CST7: variants seen among roughly 807,000 people sequenced by gnomAD.
The protein encoded by CST7 is cystatin F.
CST7 carries 15 observed loss-of-function variants against 13.1 expected under a neutral mutation model. The observed-to-expected ratio is 1.14, with a 90% CI of 0.77 to 1.76. CST7 has a LOEUF of 1.76. Ranked by LOEUF, CST7 falls within the 40% of genes most tolerant of loss-of-function variation. The probability of loss-of-function intolerance (pLI) is 0.00; values close to 1 mark genes in which losing one functional copy is unlikely to be tolerated. For synonymous variants in CST7, 75 were observed against 66.9 expected (o/e 1.12, Z -0.59); for missense variants, 193 against 178.8 (o/e 1.08, Z -0.45).
rs2087804567 is a variant in CST7, at chr20:24,949,368, G to A, written c.-138G>A. The A allele has an allele frequency of 1.3e-6, 2 of 1,570,812 alleles. No individual in the cohort carries two copies. Among genetic ancestry groups the A allele is most frequent in the African/African-American group, 1.3e-5 (1 of 74,230 alleles). On this transcript the variant is annotated 5_prime_UTR_variant, in exon 1 of 4. Coordinates refer to ENST00000480798, the MANE Select transcript of CST7 (RefSeq NM_003650.4). ...AGGATTGGCACGGGCACAGACCACT[G>A]CCCCCACCTGCCCTGCGCCATCTAC...
intron 1 of CST7, among the ~76,000 whole-genome samples, chr20:24,953,379 T>C (rs1465740997): frequency 6.6e-6 from 1 of 152,186 alleles, no homozygotes; most frequent in Admixed American, 6.5e-5. Flanking sequence ...GAAGAAGCTG[T>C]ATTTTCGTGA....
rs1221608580 is a variant in CST7 at position 24,959,109 on chromosome 20, G to A, written c.360+65G>A. The A allele has an allele frequency of 6.2e-6, 8 of 1,283,016 alleles. No individual in the cohort carries two copies. In the African/African-American group the frequency reaches 7.3e-5, roughly 12 times the overall value. 79.5% of individuals were successfully genotyped at this position (1,283,016 alleles called of 1,614,324 possible). On this transcript the variant is annotated intron_variant, in intron 3 of 3. Coordinates refer to ENST00000480798, the MANE Select transcript of CST7 (RefSeq NM_003650.4). ...CCCCAGCCCACTCCCTCCCAGGACT[G>A]TGAAAAACACCGTCACCACGTCTCT...
intron 1 of CST7, among the ~76,000 whole-genome samples, chr20:24,956,938 T>C: frequency 9.8e-6 from 1 of 101,896 alleles, no homozygotes; most frequent in Middle Eastern, 4.3e-3. Context: ...CCCTGGCACC[T>C]GGTCCTCAGC....
At chr20:24,953,326 C>T (rs536014911) in intron 1 of CST7, among the ~76,000 whole-genome samples, 3 of 152,200 alleles carry the variant, frequency 2.0e-5, no homozygotes, top group South Asian at 2.1e-4. Context: ...TTCTGGAGCT[C>T]GATAGCTGGA....
rs750181949 is a variant in CST7, at chr20:24,957,318, G to A, written c.102G>A (p.Val34=). 5 of 1,613,666 alleles carry A rather than the reference G, an allele frequency of 3.1e-6. No individual in the cohort carries two copies. In the East Asian group the frequency reaches 1.1e-4, roughly 36 times the overall value. The change falls in exon 2 of 4, where the codon GTG becomes GTA. Residue 34 remains valine (V), a synonymous_variant. Transcript: ENST00000480798. ...GTTCCCAGGACCTTAACTCACGTGTGAAGCCAGGATTTCCTAAAACAATAA... is the reference window on the plus strand; with the variant it reads ...GTTCCCAGGACCTTAACTCACGTGTAAAGCCAGGATTTCCTAAAACAATAA... ...DTCSQDLNSR[V]KPGFPKTIKT...
chr20:24,958,731 C>T (rs976855497), intron 2 of CST7, among the ~76,000 whole-genome samples, 197 bp from the exon 3 acceptor site: 3 of 152,126 alleles, frequency 2.0e-5, no homozygotes, highest in African/African-American at 7.2e-5. Flanking sequence ...GGGGCACAAA[C>T]CCAGCACGGG....
chr20:24,952,081 C>T lies in CST7; in HGVS notation c.70+2506C>T, dbSNP rs149227892. Among the ~76,000 whole-genome samples, 12 of 152,376 alleles carry T rather than the reference C, an allele frequency of 7.9e-5. No individual in the cohort carries two copies. The East Asian group carries it at 2.1e-3, about 27-fold the overall frequency. On this transcript the variant is annotated intron_variant, in intron 1 of 3. Coordinates refer to ENST00000480798, the MANE Select transcript of CST7 (RefSeq NM_003650.4). The stretch of plus-strand genomic sequence containing the variant: ...CTGCCGCAGGCTGAGCCACCGTCTA[C>T]GTGGCAAGATTTGTTTTTCCCAATG...
chr20:24,958,706 C>T lies in CST7; in HGVS notation c.244-222C>T, dbSNP rs567583026. ...TGCAGAGCTCTGGCCAGAAAGGAGA[C>T]ATCTGTCTCAGGAAGGGGCACAAAC... On this transcript the variant is annotated intron_variant, in intron 2 of 3. Coordinates refer to ENST00000480798, the MANE Select transcript of CST7 (RefSeq NM_003650.4). Among the ~76,000 whole-genome samples the T allele has an allele frequency of 3.3e-5, 5 of 152,228 alleles. No individual in the cohort carries two copies. The East Asian group carries it at 7.8e-4, about 24-fold the overall frequency.
intron 1 of CST7, among the ~76,000 whole-genome samples, chr20:24,953,404 C>T (rs1227146063): frequency 6.6e-6 from 1 of 152,142 alleles, no homozygotes; most frequent in Admixed American, 6.5e-5. Context: ...CCTGTTCCTC[C>T]GTGGGGGGTT....
In CST7 at chr20:24,949,335, G is replaced by T. The variant is rs2087804198; in HGVS notation, c.-171G>T. The stretch of plus-strand genomic sequence containing the variant: ...CCATTGCCCGGCACTGGCCCGTGCT[G>T]CCTGAGAAGGATTGGCACGGGCACA... On this transcript the variant is annotated 5_prime_UTR_variant, in exon 1 of 4. Coordinates refer to ENST00000480798, the MANE Select transcript of CST7 (RefSeq NM_003650.4). The T allele has an allele frequency of 2.0e-6, 3 of 1,534,880 alleles. No individual in the cohort carries two copies. The highest frequency in any genetic ancestry group is 2.6e-6 in the Non-Finnish European group (3 of 1,137,836).
At chr20:24,957,508 G>C in intron 2 of CST7, 49 bp downstream of exon 2, 1 of 1,576,716 alleles carries the variant, frequency 6.3e-7, no homozygotes, top group Admixed American at 1.7e-5. Flanking sequence ...CTAGGAAGCC[G>C]AGCTGCTACA....
rs1191728564 is a variant in CST7, at chr20:24,958,991, C to T, written c.307C>T (p.Gln103Ter). Residue 103 changes from glutamine (Q) to a stop codon, truncating the protein, a stop_gained, in exon 3 of 4, where the codon CAG becomes TAG. Coordinates refer to ENST00000480798, the MANE Select transcript of CST7 (RefSeq NM_003650.4). LOFTEE classifies it high-confidence loss of function. ...EIGRTTCKKN[Q>*]HLRLDDCDFQ... is the part of the protein sequence containing the mutation. ...TGGCAGAACTACCTGCAAGAAAAAC[C>T]AGCACCTGCGTCTGGATGACTGTGA... 1.2e-6 allele frequency: 2 copies of T among 1,613,902 alleles called. No homozygotes were observed. The highest frequency in any genetic ancestry group is 2.7e-5 in the African/African-American group (2 of 74,912).
intron 3 of CST7, 44 bp from the exon 4 acceptor site, chr20:24,959,591 G>T (rs374641152): frequency 7.5e-6 from 12 of 1,590,298 alleles, no homozygotes; most frequent in African/African-American, 4.0e-5. Context: ...AGGGCTCCCC[G>T]CAGGGAAAGT....
chr20:24,958,739 G>A (rs1444763335), intron 2 of CST7, among the ~76,000 whole-genome samples, 189 bp from the exon 3 acceptor site: 4 of 152,150 alleles, frequency 2.6e-5, no homozygotes, highest in African/African-American at 7.2e-5. Context: ...AACCCAGCAC[G>A]GGGCAGGGAG....
At chr20:24,955,342 A>G (rs910969360) in intron 1 of CST7, among the ~76,000 whole-genome samples, 5 of 152,048 alleles carry the variant, frequency 3.3e-5, no homozygotes, top group African/African-American at 1.2e-4. Flanking sequence ...GTCACCTGAG[A>G]GCCTGGGGAA....
At chr20:24,953,327 G>A (rs961870381) in intron 1 of CST7, among the ~76,000 whole-genome samples, 3 of 152,190 alleles carry the variant, frequency 2.0e-5, no homozygotes, top group Admixed American at 6.5e-5. Flanking sequence ...TCTGGAGCTC[G>A]ATAGCTGGAA....
chr20:24,956,391 T>G (rs2122453481), intron 1 of CST7, among the ~76,000 whole-genome samples: 1 of 152,224 alleles, frequency 6.6e-6, no homozygotes, highest in African/African-American at 2.4e-5. Context: ...CTCAACACCC[T>G]GGGGCCCAGC....
chr20:24,949,319 G>T lies in CST7; in HGVS notation c.-187G>T, dbSNP rs549920012. 5.3e-6 allele frequency: 8 copies of T among 1,500,620 alleles called. No homozygotes were observed. In the Admixed American group the frequency reaches 1.1e-4, roughly 20 times the overall value. The allele number at this position is 1,500,620 out of a possible 1,614,324, so 93.0% of individuals were successfully genotyped here. ...TCAGCACAGGCACAAACCATTGCCCGGCACTGGCCCGTGCTGCCTGAGAAG... is the reference window on the plus strand; with the variant it reads ...TCAGCACAGGCACAAACCATTGCCCTGCACTGGCCCGTGCTGCCTGAGAAG... On this transcript the variant is annotated 5_prime_UTR_variant, in exon 1 of 4. Coordinates refer to ENST00000480798, the MANE Select transcript of CST7 (RefSeq NM_003650.4).
chr20:24,949,469 C>T lies in CST7; in HGVS notation c.-37C>T, dbSNP rs764589940. Reference sequence around the variant, plus strand: ...TGCCTGAGAAGGCACTGCACGGCCACCCCCAACTGCCCCGCACTGTCCCTA... The same window carrying T: ...TGCCTGAGAAGGCACTGCACGGCCATCCCCAACTGCCCCGCACTGTCCCTA... On this transcript the variant is annotated 5_prime_UTR_variant, in exon 1 of 4. Coordinates refer to ENST00000480798, the MANE Select transcript of CST7 (RefSeq NM_003650.4). The T allele has an allele frequency of 1.2e-6, 2 of 1,613,912 alleles. No individual in the cohort carries two copies. Among genetic ancestry groups the T allele is most frequent in the Non-Finnish European group, 1.7e-6 (2 of 1,179,928 alleles).
Sources: gnomAD v4.1 joint callset for allele counts (sites outside exome capture counted in the v4.1 genomes callset) on GRCh38, gnomAD v4.1.1 for gene constraint, MANE v1.5 for transcripts, NCBI Gene and HGNC (gene_info 2026-07-23, HGNC 2026-07-21) for gene names.